Variants in MROH9 observed in about 807,000 individuals in gnomAD.
The protein encoded by MROH9 is maestro heat-like repeat-containing protein family member 9.
Under a neutral mutation model 98.2 loss-of-function variants are expected in MROH9, and 92 were observed. The observed-to-expected ratio is 0.94, with a 90% CI of 0.79 to 1.11. The LOEUF (loss-of-function observed/expected upper bound fraction) is 1.11. Among genes scored for constraint, MROH9 ranks in the 50% most tolerant of loss-of-function variants. The pLI is 0.00. For missense variants in MROH9, 1,057 were observed against 1,014.8 expected (o/e 1.04, Z -0.57); for synonymous variants, 397 against 368.9 (o/e 1.08, Z -0.87).
At chr1:170,943,139 CAA>C (rs1276892149) in intron 1 of MROH9, among the ~76,000 whole-genome samples, 6 of 151,686 alleles carry the variant, frequency 4.0e-5, no homozygotes, top group African/African-American at 1.5e-4. Context: ...TTAAAAAAAT[CAA>C]TGACAAAAAC....
intron 20 of MROH9, among the ~76,000 whole-genome samples, chr1:171,055,587 A>G (rs2101872548): frequency 6.9e-6 from 1 of 145,444 alleles, no homozygotes; most frequent in Admixed American, 7.2e-5. Context: ...GCTCCACTGC[A>G]CTCCAGTTTG....
At chr1:171,034,051 C>A (rs1021336817) in intron 20 of MROH9, among the ~76,000 whole-genome samples, 1 of 151,962 alleles carries the variant, frequency 6.6e-6, no homozygotes, top group African/African-American at 2.4e-5. Flanking sequence ...AAATTACCTA[C>A]AAATTTTAAA....
At chr1:171,015,594 G>T (rs1177966347) in intron 16 of MROH9, among the ~76,000 whole-genome samples, 1 of 151,880 alleles carries the variant, frequency 6.6e-6, no homozygotes, top group Admixed American at 6.6e-5. Flanking sequence ...TATTCTGTTT[G>T]GTTCTGATCT....
At chr1:170,994,884 G>A (rs1365658398) in intron 12 of MROH9, among the ~76,000 whole-genome samples, 1 of 140,784 alleles carries the variant, frequency 7.1e-6, no homozygotes, top group African/African-American at 2.5e-5. Flanking sequence ...CAGGATTATG[G>A]CAGTTGGGAA....
rs997031088 is a variant in MROH9 at position 170,984,298 on chromosome 1, G to C, written c.729+764G>C. ...TGTATAAAGCAGTGTCTTCTTCCATGGCTGAGATGGGTTGAATTGTGGGAG... is the reference window on the plus strand; with the variant it reads ...TGTATAAAGCAGTGTCTTCTTCCATCGCTGAGATGGGTTGAATTGTGGGAG... On this transcript the variant is annotated intron_variant, in intron 9 of 21. Coordinates refer to ENST00000367759, the MANE Select transcript of MROH9 (RefSeq NM_001163629.2). Among the ~76,000 whole-genome samples the C allele has an allele frequency of 2.0e-5, 3 of 152,178 alleles. No homozygotes were observed. The East Asian group carries it at 5.8e-4, about 29-fold the overall frequency.
chr1:171,023,384 G>T (rs982146322), intron 17 of MROH9, among the ~76,000 whole-genome samples: 1 of 152,044 alleles, frequency 6.6e-6, no homozygotes, highest in Non-Finnish European at 1.5e-5. Flanking sequence ...TTATTTAGTG[G>T]CAACTCAGCA....
In MROH9 at chr1:170,971,820, T is replaced by C. The variant is rs1388960487; in HGVS notation, c.553T>C (p.Ser185Pro). 1 of 1,613,986 alleles carries C rather than the reference T, an allele frequency of 6.2e-7. No individual in the cohort carries two copies. Among genetic ancestry groups the C allele is most frequent in the Non-Finnish European group, 8.5e-7 (1 of 1,179,970 alleles). The stretch of plus-strand genomic sequence containing the variant: ...TCTTTTGTGTTCCCATGAAGATCCC[T>C]CGATTGTAAAACAAGCATCATTGGG... ...LSLLCSHEDP[S>P]IVKQASLGMC... Residue 185 changes from serine to proline, a missense_variant, in exon 8 of 22, where the codon TCG becomes CCG. Transcript: ENST00000367759.
At chr1:171,036,860 A>G (rs1414408310) in intron 20 of MROH9, among the ~76,000 whole-genome samples, 2 of 151,774 alleles carry the variant, frequency 1.3e-5, no homozygotes, top group African/African-American at 2.4e-5. Flanking sequence ...CTATTTATAT[A>G]TGGATGAAAG....
intron 20 of MROH9, among the ~76,000 whole-genome samples, chr1:171,027,003 G>A (rs538159739): frequency 5.8e-4 from 88 of 152,234 alleles, no homozygotes; most frequent in Non-Finnish European, 9.6e-4. Flanking sequence ...TATTTGTTGA[G>A]AACTCAGTAA....
chr1:171,024,393 A>C lies in MROH9; in HGVS notation c.1909-2A>C. The C allele has an allele frequency of 6.4e-7, 1 of 1,551,076 alleles. No individual in the cohort carries two copies. Among genetic ancestry groups the C allele is most frequent in the Non-Finnish European group, 8.7e-7 (1 of 1,146,778 alleles). ...CTCAAATAAGGCCTTTGTCTTTTAC[A>C]GATTAATGGAGGCATTCGAAGTATG... On this transcript the variant is annotated splice_acceptor_variant, in intron 17 of 21. Coordinates refer to ENST00000367759, the MANE Select transcript of MROH9 (RefSeq NM_001163629.2). LOFTEE classifies it high-confidence loss of function.
At chr1:170,985,432 A>G (rs1050925616) in intron 9 of MROH9, among the ~76,000 whole-genome samples, 1 of 152,140 alleles carries the variant, frequency 6.6e-6, no homozygotes, top group Admixed American at 6.6e-5. Flanking sequence ...ATCCTGTGTG[A>G]TTGGTGTATT....
chr1:170,972,173 G>A (rs934095980), intron 8 of MROH9, among the ~76,000 whole-genome samples: 1 of 152,102 alleles, frequency 6.6e-6, no homozygotes, highest in Non-Finnish European at 1.5e-5. Flanking sequence ...GAAGGAGAGA[G>A]TTTACCAATG....
rs777986846 is a variant in MROH9 at position 170,983,548 on chromosome 1, C to G, written c.729+14C>G. ...AAAATAGCTCAGGTAACTTAGCCCC[C>G]ACTTTTTCCGAGGGCTTTTGTTTAT... On this transcript the variant is annotated intron_variant, in intron 9 of 21. Coordinates refer to ENST00000367759, the MANE Select transcript of MROH9 (RefSeq NM_001163629.2). 6.8e-5 allele frequency: 102 copies of G among 1,498,374 alleles called. No individual in the cohort carries two copies. Among genetic ancestry groups the G allele is most frequent in the Admixed American group, 1.9e-4 (11 of 58,748 alleles). The allele number at this position is 1,498,374 out of a possible 1,614,324, so 92.8% of individuals were successfully genotyped here. A position where few individuals can be genotyped will look rare whatever the true frequency, so the allele number is the denominator to read the frequency against.
At chr1:170,946,779 C>T (rs1262083692) in intron 2 of MROH9, among the ~76,000 whole-genome samples, 1 of 151,916 alleles carries the variant, frequency 6.6e-6, no homozygotes, top group African/African-American at 2.4e-5. Context: ...CAAAGGAAAA[C>T]ATAACAGTTT....
chr1:170,968,724 G>C (rs1571459739), intron 7 of MROH9, among the ~76,000 whole-genome samples: 1 of 151,564 alleles, frequency 6.6e-6, no homozygotes, highest in African/African-American at 2.4e-5. Context: ...GTCCAGCCTG[G>C]GTGACAGAGT....
chr1:171,024,845 T>A lies in MROH9; in HGVS notation c.2178+80T>A, dbSNP rs1652654642. 16 of 846,142 alleles carry A rather than the reference T, an allele frequency of 1.9e-5. No individual in the cohort carries two copies. In the South Asian group the frequency reaches 2.5e-4, roughly 13 times the overall value. The allele number at this position is 846,142 out of a possible 1,614,324, so 52.4% of individuals were successfully genotyped here. Reference sequence around the variant, plus strand: ...ATATCCAAAGTGATAAAAACTGTAATGGGGATAAGAGTGGATCTTGGAGGA... The same window carrying A: ...ATATCCAAAGTGATAAAAACTGTAAAGGGGATAAGAGTGGATCTTGGAGGA... On this transcript the variant is annotated intron_variant, in intron 19 of 21. Coordinates refer to ENST00000367759, the MANE Select transcript of MROH9 (RefSeq NM_001163629.2).
In MROH9 at chr1:171,004,577, G is replaced by A. The variant is rs114400903; in HGVS notation, c.1596+6303G>A. Among the ~76,000 whole-genome samples the A allele has an allele frequency of 4.7e-3, 716 of 152,270 alleles. 4 individuals carry two copies. The highest frequency in any genetic ancestry group is 0.016 in the African/African-American group (663 of 41,546). On this transcript the variant is annotated intron_variant, in intron 15 of 21. Coordinates refer to ENST00000367759, the MANE Select transcript of MROH9 (RefSeq NM_001163629.2). ...AGGAGGGTCTCCCTTTCTCACTTCCGCGGTTGGGGCACTCACAGTATTTGG... is the reference window on the plus strand; with the variant it reads ...AGGAGGGTCTCCCTTTCTCACTTCCACGGTTGGGGCACTCACAGTATTTGG...
chr1:170,941,569 C>T (rs1459614294), intron 1 of MROH9, among the ~76,000 whole-genome samples: 5 of 152,154 alleles, frequency 3.3e-5, no homozygotes, highest in African/African-American at 1.2e-4. Context: ...GCTGCTTTGA[C>T]TTTTTGTTGC....
intron 20 of MROH9, among the ~76,000 whole-genome samples, chr1:171,030,437 T>C (rs965697055): frequency 9.2e-5 from 14 of 152,088 alleles, no homozygotes; most frequent in Non-Finnish European, 1.5e-4. Context: ...TGCTATAAAT[T>C]TCCCTCTTAA....
Sources: gnomAD v4.1 joint callset for allele counts (sites outside exome capture counted in the v4.1 genomes callset) on GRCh38, gnomAD v4.1.1 for gene constraint, MANE v1.5 for transcripts, NCBI Gene and HGNC (gene_info 2026-07-23, HGNC 2026-07-21) for gene names.